Variants in WDR47 observed in about 807,000 individuals in gnomAD.
The protein encoded by WDR47 is WD repeat-containing protein 47.
In WDR47, 32 loss-of-function variants were observed where a neutral mutation model predicts 97.2. The observed-to-expected ratio is 0.33, with a 90% CI of 0.25 to 0.44. The LOEUF (loss-of-function observed/expected upper bound fraction) is 0.44. WDR47 is among the 20% of genes least tolerant of loss of function. The pLI is 1.00. For synonymous variants in WDR47, 375 were observed against 373.5 expected, an observed-to-expected ratio of 1.00 and a Z score of -0.05; for missense variants, 782 against 1,102.3, an observed-to-expected ratio of 0.71 and a Z score of 4.11.
At chr1:108,984,421 A>G (rs1658601860) in intron 10 of WDR47, among the ~76,000 whole-genome samples, 1 of 152,246 alleles carries the variant, frequency 6.6e-6, no homozygotes, top group South Asian at 2.1e-4. Flanking sequence ...ATACTTTAGC[A>G]AATGAACAAA....
At chr1:109,033,211 T>C (rs921081564) in intron 1 of WDR47, among the ~76,000 whole-genome samples, 3 of 151,908 alleles carry the variant, frequency 2.0e-5, no homozygotes, top group African/African-American at 7.3e-5. Flanking sequence ...GGAGAATCAC[T>C]TGAACCCAGG....
intron 2 of WDR47, among the ~76,000 whole-genome samples, chr1:109,021,778 C>T (rs1661864301): frequency 6.6e-6 from 1 of 151,440 alleles, no homozygotes; most frequent in Non-Finnish European, 1.5e-5. Context: ...CCACACGGCT[C>T]AGCCTCCCAA....
At chr1:109,029,929 G>T in intron 1 of WDR47, 3 of 334,930 alleles carry the variant, frequency 9.0e-6, no homozygotes, top group Non-Finnish European at 1.6e-5. Context: ...AAAATATATT[G>T]ACTCTGTGTA....
chr1:109,030,361 G>A (rs35337672), intron 1 of WDR47: 48,642 of 540,410 alleles, frequency 0.09, 2,560 homozygotes, highest in African/African-American at 0.16. Context: ...ATCTCAATAA[G>A]CACATTTTTG....
In WDR47 at chr1:109,002,202, A is replaced by G. The variant is rs754783064; in HGVS notation, c.1433+22T>C. 13 of 1,531,102 alleles carry G rather than the reference A, an allele frequency of 8.5e-6. No homozygotes were observed. The East Asian group carries it at 2.8e-4, about 33-fold the overall frequency. 94.8% of individuals were successfully genotyped at this position (1,531,102 alleles called of 1,614,324 possible). On this transcript the variant is annotated intron_variant, in intron 7 of 14. Coordinates refer to ENST00000369962, the MANE Select transcript of WDR47 (RefSeq NM_001142551.2). ...TAGCTTTCAAATAACTCCATATTTT[A>G]AAAAGTGATTAGAAGACCAACCTAT...
At chr1:108,979,855 G>C (rs1423396341) in intron 13 of WDR47, among the ~76,000 whole-genome samples, 1 of 152,064 alleles carries the variant, frequency 6.6e-6, no homozygotes, top group African/African-American at 2.4e-5. Context: ...TCTTAAACCA[G>C]GGGTCCCCAA....
chr1:109,018,917 A>G (rs2101979078), intron 2 of WDR47, among the ~76,000 whole-genome samples: 1 of 152,090 alleles, frequency 6.6e-6, no homozygotes, highest in African/African-American at 2.4e-5. Context: ...AAAAATTTAA[A>G]AATTAGCTGG....
At position 109,011,122 on chromosome 1, in the gene WDR47, A is replaced by G. The variant is rs1557945253; in HGVS notation, c.924T>C (p.Tyr308=). Residue 308 remains tyrosine, a synonymous_variant, in exon 5 of 15, where the codon TAT becomes TAC. Coordinates refer to ENST00000369962, the MANE Select transcript of WDR47 (RefSeq NM_001142551.2). ...AAGCAGGATTCAGAGAGCGGGTCAT[A>G]TAGGCATCAGCTGATTGAGGTCTTC... ...PMRRPQSADA[Y]MTRSLNPALD... is the part of the protein sequence containing the mutation. 3 of 1,614,160 alleles carry G rather than the reference A, an allele frequency of 1.9e-6. No homozygotes were observed. Among genetic ancestry groups the G allele is most frequent in the Non-Finnish European group, 2.5e-6 (3 of 1,180,034 alleles).
chr1:109,020,982 G>A (rs1166587631), intron 2 of WDR47, among the ~76,000 whole-genome samples: 4 of 151,796 alleles, frequency 2.6e-5, no homozygotes, highest in Non-Finnish European at 4.4e-5. Context: ...TGCCTCCTGG[G>A]AGGAACACTT....
At chr1:109,007,970 C>T (rs937228261) in intron 5 of WDR47, among the ~76,000 whole-genome samples, 13 of 151,830 alleles carry the variant, frequency 8.6e-5, no homozygotes, top group Non-Finnish European at 4.4e-5. Context: ...GGCACAGTGG[C>T]GGGCGCCTGT....
chr1:109,011,043 C>T lies in WDR47; in HGVS notation c.1003G>A (p.Gly335Arg). 6.2e-7 allele frequency: 1 copy of T among 1,614,052 alleles called. No homozygotes were observed. ...TSHDKRISDLGNKTSPMSHSF... is the reference protein window; with the variant it reads ...TSHDKRISDLRNKTSPMSHSF... ...TGTGACATTGGAGAAGTTTTGTTTCCAAGGTCTGAAATTCTCTTATCATGA... is the reference window on the plus strand; with the variant it reads ...TGTGACATTGGAGAAGTTTTGTTTCTAAGGTCTGAAATTCTCTTATCATGA... The change falls in exon 5 of 15, where the codon GGA becomes AGA. Residue 335 changes from glycine (G) to arginine (R), a missense_variant. Gly to Arg is a moderately radical substitution (Grantham distance 125). Coordinates refer to ENST00000369962, the MANE Select transcript of WDR47 (RefSeq NM_001142551.2).
chr1:109,031,884 T>C (rs1222597577), intron 1 of WDR47, among the ~76,000 whole-genome samples: 4 of 132,316 alleles, frequency 3.0e-5, no homozygotes, highest in Admixed American at 1.7e-4. Context: ...ACTGCAGCCT[T>C]GACCACCTGA....
chr1:109,029,839 G>A (rs1215786899), intron 1 of WDR47, among the ~76,000 whole-genome samples: 2 of 149,386 alleles, frequency 1.3e-5, no homozygotes, highest in African/African-American at 4.9e-5. Flanking sequence ...TCACACCACT[G>A]CACTCCAGCC....
At chr1:108,998,721 C>A (rs1659943052) in intron 7 of WDR47, among the ~76,000 whole-genome samples, 1 of 152,050 alleles carries the variant, frequency 6.6e-6, no homozygotes, top group African/African-American at 2.4e-5. Flanking sequence ...TTGTGTAACA[C>A]ACCTTACTTC....
At chr1:109,013,012 T>C (rs562200372) in intron 4 of WDR47, among the ~76,000 whole-genome samples, 2 of 152,284 alleles carry the variant, frequency 1.3e-5, no homozygotes, top group Admixed American at 6.5e-5. Flanking sequence ...GGTAATGGTA[T>C]TGGAAAAGTA....
At chr1:109,041,788 G>A (rs1013167700) in intron 1 of WDR47, 74 bp downstream of exon 1, 3 of 152,318 alleles carry the variant, frequency 2.0e-5, no homozygotes, top group Admixed American at 2.0e-4. Context: ...GTGGTGACAG[G>A]AGGCGACGGG....
intron 2 of WDR47, among the ~76,000 whole-genome samples, chr1:109,019,436 A>G (rs1661659152): frequency 6.6e-6 from 1 of 151,768 alleles, no homozygotes; most frequent in African/African-American, 2.4e-5. Context: ...TAATCCCAAC[A>G]TGTTAGGAGG....
chr1:108,996,953 TA>T (rs1359284407), intron 7 of WDR47, among the ~76,000 whole-genome samples: 1 of 151,886 alleles, frequency 6.6e-6, no homozygotes, highest in Non-Finnish European at 1.5e-5. Flanking sequence ...CCATCTCTAC[TA>T]AAAATACAAG....
intron 1 of WDR47, among the ~76,000 whole-genome samples, chr1:109,025,338 GA>G (rs1195221202): frequency 6.6e-6 from 1 of 151,316 alleles, no homozygotes; most frequent in East Asian, 1.9e-4. Flanking sequence ...GGCTGAGGTG[GA>G]AAGATCACTG....
Sources: gnomAD v4.1 joint callset for allele counts (sites outside exome capture counted in the v4.1 genomes callset) on GRCh38, gnomAD v4.1.1 for gene constraint, MANE v1.5 for transcripts, NCBI Gene and HGNC (gene_info 2026-07-23, HGNC 2026-07-21) for gene names.